RTTN: variants seen among roughly 807,000 people sequenced by gnomAD.
The protein encoded by RTTN is rotatin.
In RTTN, 182 loss-of-function variants were observed where a neutral mutation model predicts 269.2. The observed-to-expected ratio is 0.68, with a 90% CI of 0.60 to 0.76. The LOEUF (loss-of-function observed/expected upper bound fraction) is 0.76, where lower values mean the gene tolerates loss of function less well. Ranked by LOEUF, RTTN falls within the 30% of genes least tolerant of loss-of-function variation. The probability of loss-of-function intolerance (pLI) is 0.00; values close to 1 mark genes in which losing one functional copy is unlikely to be tolerated. For synonymous variants in RTTN, 1,006 were observed against 963.5 expected (o/e 1.04, Z -0.82); for missense variants, 2,545 against 2,608.6 (o/e 0.98, Z 0.53).
Position 70,148,905 on chromosome 18 carries a change from G to C in RTTN, c.2305C>G (p.Pro769Ala). The change falls in exon 17 of 49, where the codon CCA becomes GCA. Residue 769 changes from proline to alanine, a missense_variant. Transcript: ENST00000640769. ...SMLRLLLVKK[P>A]SVRSLALKLL... ...ACAAGATTACGTTGTACTCACGATG[G>C]CTTTTTCACTAGCAAAAGTCGCAGC... 6.2e-7 allele frequency: 1 copy of C among 1,613,198 alleles called. No homozygotes were observed. Among genetic ancestry groups the C allele is most frequent in the Non-Finnish European group, 8.5e-7 (1 of 1,179,412 alleles).
At chr18:70,048,944 G>A (rs1372045521) in intron 39 of RTTN, among the ~76,000 whole-genome samples, 1 of 151,958 alleles carries the variant, frequency 6.6e-6, no homozygotes, top group Admixed American at 6.6e-5. Context: ...TTACTATTAT[G>A]AAAACCATTT....
intron 37 of RTTN, among the ~76,000 whole-genome samples, chr18:70,057,518 T>C (rs1413509913): frequency 6.6e-6 from 1 of 152,224 alleles, no homozygotes; most frequent in African/African-American, 2.4e-5. Context: ...TGGTTAATGA[T>C]GGAGTCAAGA....
intron 8 of RTTN, 181 bp downstream of exon 8, chr18:70,193,107 C>A (rs931467563): frequency 3.6e-6 from 2 of 558,310 alleles, no homozygotes; most frequent in South Asian, 2.5e-5. Context: ...TCTGTCCTTA[C>A]CGTGGATCAT....
At chr18:70,118,382 G>A (rs2059651199) in intron 26 of RTTN, among the ~76,000 whole-genome samples, 1 of 152,032 alleles carries the variant, frequency 6.6e-6, no homozygotes, top group Admixed American at 6.5e-5. Flanking sequence ...GAGCTACCAA[G>A]ATGGAATCAT....
intron 42 of RTTN, 130 bp from the exon 43 acceptor site, chr18:70,028,931 C>T (rs985692007): frequency 1.9e-6 from 1 of 518,762 alleles, no homozygotes; most frequent in Admixed American, 3.7e-5. Context: ...ACCACTGTAA[C>T]TTTGAGGGAA....
rs749029745 is a variant in RTTN, at chr18:70,087,988, C to T, written c.4302+1G>A. 6.2e-7 allele frequency: 1 copy of T among 1,610,806 alleles called. No individual in the cohort carries two copies. The highest frequency in any genetic ancestry group is 1.7e-5 in the Admixed American group (1 of 59,192). ...AAAAAAAGGAGAAAAGACAGACATA[C>T]CTCCCGGCGCACCATACTACATTCT... On this transcript the variant is annotated splice_donor_variant, in intron 31 of 48. Coordinates refer to ENST00000640769, the MANE Select transcript of RTTN (RefSeq NM_173630.4). LOFTEE classifies it high-confidence loss of function.
At chr18:70,181,798 A>ATTTATTCTT (rs2061427670) in intron 10 of RTTN, among the ~76,000 whole-genome samples, 1 of 152,210 alleles carries the variant, frequency 6.6e-6, no homozygotes, top group Non-Finnish European at 1.5e-5. Context: ...GAAAAGAGAC[A>ATTTATTCTT]TTTATTCTTT....
At chr18:70,167,115 A>C in intron 12 of RTTN, 84 bp from the exon 13 acceptor site, 1 of 838,668 alleles carries the variant, frequency 1.2e-6, no homozygotes, top group East Asian at 2.6e-5. Flanking sequence ...GCTTCAAGAA[A>C]TTAGACCATT....
At chr18:70,203,797 C>T (rs1323299071) in intron 3 of RTTN, among the ~76,000 whole-genome samples, 1 of 152,088 alleles carries the variant, frequency 6.6e-6, no homozygotes, top group African/African-American at 2.4e-5. Flanking sequence ...CTCATGTGCT[C>T]AATAAAAATA....
chr18:70,005,151 T>G (rs761177787), intron 48 of RTTN, 47 bp downstream of exon 48: 2 of 1,429,334 alleles, frequency 1.4e-6, no homozygotes, highest in African/African-American at 2.8e-5. Flanking sequence ...AAAATCCACT[T>G]AATAGCTTCT....
intron 18 of RTTN, among the ~76,000 whole-genome samples, chr18:70,144,002 G>A (rs1599756009): frequency 6.6e-6 from 1 of 152,016 alleles, no homozygotes; most frequent in East Asian, 1.9e-4. Flanking sequence ...TGGGACTACA[G>A]GCATGCACCA....
intron 39 of RTTN, among the ~76,000 whole-genome samples, chr18:70,050,991 C>T (rs1197398179): frequency 2.0e-5 from 3 of 152,074 alleles, no homozygotes; most frequent in African/African-American, 4.8e-5. Context: ...CCTAGATGAT[C>T]GGTTGATAGG....
chr18:70,020,424 C>G (rs1215720064), intron 45 of RTTN, among the ~76,000 whole-genome samples, 191 bp downstream of exon 45: 2 of 152,212 alleles, frequency 1.3e-5, no homozygotes, highest in African/African-American at 4.8e-5. Flanking sequence ...TCTACTCTAG[C>G]TCCTGTCCTT....
intron 4 of RTTN, among the ~76,000 whole-genome samples, chr18:70,201,689 G>A (rs1187758193): frequency 2.8e-5 from 4 of 145,366 alleles, no homozygotes; most frequent in Non-Finnish European, 6.0e-5. Context: ...CATCTACACA[G>A]TTGTTCAAAT....
chr18:70,031,837 G>C (rs1234341479), intron 40 of RTTN, among the ~76,000 whole-genome samples: 1 of 151,926 alleles, frequency 6.6e-6, no homozygotes, highest in African/African-American at 2.4e-5. Flanking sequence ...TGGGGCTGAA[G>C]GGGGAGGAAG....
intron 40 of RTTN, among the ~76,000 whole-genome samples, chr18:70,042,366 C>CTTTTTTTTTTTT (rs1017125527): frequency 5.1e-5 from 4 of 78,068 alleles, no homozygotes; most frequent in South Asian, 4.4e-4. Flanking sequence ...TTGGAATTTT[C>CTTTTTTTTTTTT]TTTTTTTTTT....
At chr18:70,030,623 A>G (rs1453483905) in intron 41 of RTTN, among the ~76,000 whole-genome samples, 1 of 152,176 alleles carries the variant, frequency 6.6e-6, no homozygotes, top group Non-Finnish European at 1.5e-5. Context: ...CTTCCCTAAT[A>G]TTTACATATA....
At chr18:70,097,132 T>C (rs934407878) in intron 28 of RTTN, among the ~76,000 whole-genome samples, 3 of 152,342 alleles carry the variant, frequency 2.0e-5, no homozygotes, top group South Asian at 2.1e-4. Flanking sequence ...ACATCATGTA[T>C]CTGATTTAAA....
intron 9 of RTTN, among the ~76,000 whole-genome samples, chr18:70,189,935 T>C (rs1213439313): frequency 1.3e-5 from 2 of 152,220 alleles, no homozygotes; most frequent in Non-Finnish European, 2.9e-5. Flanking sequence ...ATTTTCCTAG[T>C]ACATCTGAAC....
Sources: gnomAD v4.1 joint callset for allele counts (sites outside exome capture counted in the v4.1 genomes callset) on GRCh38, gnomAD v4.1.1 for gene constraint, MANE v1.5 for transcripts, NCBI Gene and HGNC (gene_info 2026-07-23, HGNC 2026-07-21) for gene names.